Variants in OSBPL10 observed in about 807,000 individuals in gnomAD.
The protein encoded by OSBPL10 is oxysterol-binding protein-related protein 10.
In OSBPL10, 49 loss-of-function variants were observed where a neutral mutation model predicts 81.7. That is an observed-to-expected ratio of 0.60 (90% CI 0.48 to 0.76). OSBPL10 has a LOEUF of 0.76. OSBPL10 is among the 30% of genes least tolerant of loss of function. The probability of loss-of-function intolerance (pLI) is 0.00; values close to 1 mark genes in which losing one functional copy is unlikely to be tolerated. For missense variants in OSBPL10, 923 were observed against 987.8 expected (o/e 0.93, Z 0.88); for synonymous variants, 419 against 383.6 (o/e 1.09, Z -1.08).
At chr3:31,786,016 T>TC (rs1386851058) in intron 4 of OSBPL10, among the ~76,000 whole-genome samples, 4 of 152,156 alleles carry the variant, frequency 2.6e-5, no homozygotes, top group African/African-American at 9.7e-5. Flanking sequence ...TTGGAATCAC[T>TC]CCCATGATTC....
At chr3:32,017,540 A>G (rs984576700) in intron 2 of OSBPL10, among the ~76,000 whole-genome samples, 2 of 151,882 alleles carry the variant, frequency 1.3e-5, no homozygotes, top group African/African-American at 4.8e-5. Context: ...CTCTTAATCT[A>G]CTGTTTGGTC....
intron 2 of OSBPL10, among the ~76,000 whole-genome samples, chr3:32,044,057 A>G (rs1699601158): frequency 6.6e-6 from 1 of 152,154 alleles, no homozygotes; most frequent in African/African-American, 2.4e-5. Context: ...ACAATATACC[A>G]ATGTAACAAG....
At chr3:31,965,626 TATATA>T (rs1277332302) in intron 1 of OSBPL10, among the ~76,000 whole-genome samples, 29 of 75,598 alleles carry the variant, frequency 3.8e-4, no homozygotes, top group African/African-American at 1.4e-3. Context: ...AATTATATAT[TATATA>T]ATATATTATA....
At chr3:31,889,053 T>G (rs945364851) in intron 1 of OSBPL10, among the ~76,000 whole-genome samples, 1 of 152,120 alleles carries the variant, frequency 6.6e-6, no homozygotes, top group East Asian at 1.9e-4. Flanking sequence ...GAAAAAATGC[T>G]CAACATCACT....
chr3:31,932,593 T>C (rs1429471854), intron 1 of OSBPL10, among the ~76,000 whole-genome samples: 2 of 152,134 alleles, frequency 1.3e-5, no homozygotes, highest in African/African-American at 4.8e-5. Flanking sequence ...GTCTACTATA[T>C]CCTTACCTAT....
chr3:31,761,877 G>A (rs1418003246), intron 4 of OSBPL10, among the ~76,000 whole-genome samples: 1 of 149,892 alleles, frequency 6.7e-6, no homozygotes, highest in Non-Finnish European at 1.5e-5. Flanking sequence ...GGATGGAGAA[G>A]CCTTGTAAAT....
intron 2 of OSBPL10, among the ~76,000 whole-genome samples, chr3:32,012,995 G>A (rs1362845100): frequency 3.9e-5 from 6 of 152,114 alleles, no homozygotes; most frequent in Non-Finnish European, 7.4e-5. Context: ...AATAATAATG[G>A]GAGACTTTAA....
At chr3:31,998,037 C>T (rs1409846157) in intron 2 of OSBPL10, among the ~76,000 whole-genome samples, 1 of 152,126 alleles carries the variant, frequency 6.6e-6, no homozygotes, top group African/African-American at 2.4e-5. Context: ...AAGCAGTCCT[C>T]CCGCCTCGGC....
At chr3:31,898,337 C>T (rs1696127097) in intron 1 of OSBPL10, among the ~76,000 whole-genome samples, 1 of 152,078 alleles carries the variant, frequency 6.6e-6, no homozygotes, top group African/African-American at 2.4e-5. Context: ...CTTGATTTAA[C>T]CACTCCACAT....
intron 1 of OSBPL10, among the ~76,000 whole-genome samples, chr3:31,896,561 G>A (rs1457485475): frequency 6.6e-6 from 1 of 152,192 alleles, no homozygotes; most frequent in African/African-American, 2.4e-5. Flanking sequence ...AGTGGTTCCC[G>A]ATTGCAGGGA....
At chr3:31,945,285 G>A (rs1322221080) in intron 1 of OSBPL10, among the ~76,000 whole-genome samples, 4 of 151,904 alleles carry the variant, frequency 2.6e-5, no homozygotes, top group African/African-American at 7.3e-5. Flanking sequence ...CTGCCACTAG[G>A]ACTCTGGTCC....
rs144180080 is a variant in OSBPL10, at chr3:31,808,059, G to A, written c.729+21981C>T. Reference sequence around the variant, plus strand: ...CAGACACTACTTCTATCCCGATTTTGTAACTGAGCAGCTAGCTACAATGAC... The same window carrying A: ...CAGACACTACTTCTATCCCGATTTTATAACTGAGCAGCTAGCTACAATGAC... On this transcript the variant is annotated intron_variant, in intron 4 of 11. Coordinates refer to ENST00000396556, the MANE Select transcript of OSBPL10 (RefSeq NM_017784.5). 6.4e-3 allele frequency among the ~76,000 whole-genome samples: 967 copies of A among 152,250 alleles called. 5 individuals carry two copies. Among genetic ancestry groups the A allele is most frequent in the Non-Finnish European group, 9.2e-3 (627 of 68,006 alleles).
At position 31,853,118 on chromosome 3, in the gene OSBPL10, G is replaced by C. The variant is rs528353148; in HGVS notation, c.538-22887C>G. 5.5e-4 allele frequency among the ~76,000 whole-genome samples: 84 copies of C among 152,226 alleles called. 1 individual carries two copies. The highest frequency in any genetic ancestry group is 1.9e-3 in the African/African-American group (79 of 41,536). ...CTGCCAAGCAACAAGGCTTAGGAGG[G>C]ACGGAAGATGCCATTAAGATAAGCT... On this transcript the variant is annotated intron_variant, in intron 3 of 11. Coordinates refer to ENST00000396556, the MANE Select transcript of OSBPL10 (RefSeq NM_017784.5).
chr3:32,001,338 G>T (rs72854202), intron 2 of OSBPL10, among the ~76,000 whole-genome samples: 1,586 of 152,226 alleles, frequency 0.01, 26 homozygotes, highest in African/African-American at 0.036. Context: ...TGATCTGTTG[G>T]TGTATTCTGT....
chr3:31,724,868 T>C (rs368140800), intron 6 of OSBPL10, among the ~76,000 whole-genome samples: 288 of 152,202 alleles, frequency 1.9e-3, no homozygotes, highest in African/African-American at 6.7e-3. Flanking sequence ...CAGGAGGAGC[T>C]CTTAACCACA....
chr3:31,997,203 C>T (rs1245461871), intron 2 of OSBPL10, among the ~76,000 whole-genome samples: 2 of 152,014 alleles, frequency 1.3e-5, no homozygotes, highest in African/African-American at 4.8e-5. Context: ...ATGACTATTA[C>T]AATGTCAATA....
chr3:32,069,486 T>C (rs539103914), intron 1 of OSBPL10, among the ~76,000 whole-genome samples: 1 of 152,290 alleles, frequency 6.6e-6, no homozygotes, highest in African/African-American at 2.4e-5. Context: ...TTAAAGAAAC[T>C]ACCCAAGGTA....
intron 7 of OSBPL10, among the ~76,000 whole-genome samples, chr3:31,685,576 G>A (rs1700772688): frequency 6.6e-6 from 1 of 152,182 alleles, no homozygotes; most frequent in Admixed American, 6.5e-5. Context: ...TTTTGAAACT[G>A]GAAAGCTAGC....
At chr3:31,759,279 CCACA>C (rs1346786972) in intron 4 of OSBPL10, among the ~76,000 whole-genome samples, 1 of 152,044 alleles carries the variant, frequency 6.6e-6, no homozygotes, top group African/African-American at 2.4e-5. Context: ...TCTCTGCCTC[CCACA>C]CACACAGACA....
Sources: allele counts gnomAD v4.1 joint callset (sites outside exome capture counted in the v4.1 genomes callset), GRCh38; gene constraint gnomAD v4.1.1; transcripts MANE v1.5; gene names NCBI Gene and HGNC (gene_info 2026-07-23, HGNC 2026-07-21).